Variants in COP1 observed in about 807,000 individuals in gnomAD.
COP1 encodes the protein E3 ubiquitin-protein ligase COP1.
Under a neutral mutation model 101.3 loss-of-function variants are expected in COP1, and 24 were observed. The observed-to-expected ratio is 0.24, with a 90% CI of 0.17 to 0.33. The LOEUF is 0.33. Among genes scored for constraint, COP1 ranks in the 10% least tolerant of loss-of-function variants. The probability of loss-of-function intolerance (pLI) is 1.00; values close to 1 mark genes in which losing one functional copy is unlikely to be tolerated. For missense variants in COP1, 663 were observed against 906.2 expected (o/e 0.73, Z 3.45); for synonymous variants, 347 against 341.9 (o/e 1.01, Z -0.17).
At chr1:175,958,546 C>T (rs543564024) in intron 18 of COP1, among the ~76,000 whole-genome samples, 5 of 151,928 alleles carry the variant, frequency 3.3e-5, no homozygotes, top group Non-Finnish European at 5.9e-5. Flanking sequence ...TTCCACCCTA[C>T]ATTTCTCCTC....
chr1:176,075,193 C>T (rs1348652786), intron 11 of COP1, among the ~76,000 whole-genome samples: 2 of 152,094 alleles, frequency 1.3e-5, no homozygotes, highest in Non-Finnish European at 2.9e-5. Flanking sequence ...TAATCTGCTG[C>T]ATTTTCAAAT....
chr1:176,045,074 T>C (rs1430375504), intron 12 of COP1, among the ~76,000 whole-genome samples: 1 of 152,186 alleles, frequency 6.6e-6, no homozygotes, highest in Non-Finnish European at 1.5e-5. Flanking sequence ...CCAAACTACT[T>C]CAGTCTGAAT....
chr1:176,074,359 CT>C (rs1158245839), intron 11 of COP1, among the ~76,000 whole-genome samples: 1 of 152,070 alleles, frequency 6.6e-6, no homozygotes, highest in African/African-American at 2.4e-5. Context: ...ATCAACAGAG[CT>C]GTGAGAGTTT....
intron 12 of COP1, among the ~76,000 whole-genome samples, chr1:176,044,885 C>T (rs539584684): frequency 1.2e-4 from 18 of 152,306 alleles, no homozygotes; most frequent in African/African-American, 4.3e-4. Context: ...CACATTTAAA[C>T]TTTCTAATCC....
intron 1 of COP1, among the ~76,000 whole-genome samples, chr1:176,194,675 TA>T (rs1375999896): frequency 6.6e-6 from 1 of 151,280 alleles, no homozygotes; most frequent in Non-Finnish European, 1.5e-5. Flanking sequence ...TCATACTAAA[TA>T]AAAAGGAAGA....
chr1:176,192,709 G>A (rs1171299352), intron 1 of COP1, among the ~76,000 whole-genome samples: 2 of 152,090 alleles, frequency 1.3e-5, no homozygotes, highest in African/African-American at 4.8e-5. Context: ...CACAGGAGGA[G>A]CTATAAAAAC....
intron 14 of COP1, among the ~76,000 whole-genome samples, chr1:176,035,533 T>C (rs143572752): frequency 7.9e-4 from 120 of 151,382 alleles, no homozygotes; most frequent in African/African-American, 2.8e-3. Context: ...GATAGTGATA[T>C]TATATATTAA....
chr1:176,184,773 T>C (rs1022182586), intron 1 of COP1, 81 bp from the exon 2 acceptor site: 6 of 928,388 alleles, frequency 6.5e-6, no homozygotes, highest in Non-Finnish European at 1.0e-5. Context: ...ACAATACCAA[T>C]GAAATCATAT....
At chr1:176,039,533 A>G (rs1019119965) in intron 14 of COP1, among the ~76,000 whole-genome samples, 2 of 152,102 alleles carry the variant, frequency 1.3e-5, no homozygotes, top group African/African-American at 2.4e-5. Flanking sequence ...AGTAACATCA[A>G]TAAGGCTCAA....
intron 2 of COP1, among the ~76,000 whole-genome samples, chr1:176,178,969 G>T: frequency 6.6e-6 from 1 of 151,436 alleles, no homozygotes; most frequent in Non-Finnish European, 1.5e-5. Flanking sequence ...GAGGTCAGGA[G>T]AATTTTTTTT....
At chr1:176,099,981 A>G (rs1683107233) in intron 9 of COP1, among the ~76,000 whole-genome samples, 1 of 152,230 alleles carries the variant, frequency 6.6e-6, no homozygotes, top group African/African-American at 2.4e-5. Flanking sequence ...CCAATCTAAA[A>G]GGCCTATGTA....
chr1:176,081,185 C>A lies in COP1; in HGVS notation c.1244G>T (p.Ser415Ile), dbSNP rs1201782011. ...VRPLATLSYASDLYNGSSIVS... is the reference protein window; with the variant it reads ...VRPLATLSYAIDLYNGSSIVS... ...TATACTGGAACCATTATAGAGATCA[C>A]TAGCATATGACAATGTGGCTAAAGG... Residue 415 changes from serine (S) to isoleucine (I), a missense_variant, in exon 11 of 20, where the codon AGT (serine) becomes ATT (isoleucine). Ser to Ile is a moderately radical substitution (Grantham distance 142). Transcript: ENST00000367669. 6.2e-7 allele frequency: 1 copy of A among 1,609,968 alleles called. No homozygotes were observed. Among genetic ancestry groups the A allele is most frequent in the African/African-American group, 1.3e-5 (1 of 74,594 alleles).
chr1:176,045,403 T>C (rs913163990), intron 12 of COP1, among the ~76,000 whole-genome samples: 3 of 152,126 alleles, frequency 2.0e-5, no homozygotes, highest in Admixed American at 6.6e-5. Context: ...AAATAAATTA[T>C]ACAAAGACTG....
At chr1:176,199,210 G>A (rs184733248) in intron 1 of COP1, among the ~76,000 whole-genome samples, 7 of 151,986 alleles carry the variant, frequency 4.6e-5, no homozygotes, top group East Asian at 1.9e-4. Context: ...CTAGCTACTC[G>A]GGAGGTTAAG....
intron 18 of COP1, among the ~76,000 whole-genome samples, chr1:175,949,180 A>AAAAAAAAAAC (rs1649557953): frequency 6.7e-6 from 1 of 148,274 alleles, no homozygotes; most frequent in Non-Finnish European, 1.5e-5. Context: ...AAAAAAAAAA[A>AAAAAAAAAAC]AAAAAAAAAA....
chr1:176,148,807 A>G (rs1203143642), intron 6 of COP1, among the ~76,000 whole-genome samples, 199 bp downstream of exon 6: 1 of 152,128 alleles, frequency 6.6e-6, no homozygotes, highest in East Asian at 1.9e-4. Flanking sequence ...TTTTCAGCAC[A>G]TCTCCACAAA....
At chr1:176,082,856 T>C (rs1314062359) in intron 10 of COP1, among the ~76,000 whole-genome samples, 2 of 151,660 alleles carry the variant, frequency 1.3e-5, no homozygotes, top group African/African-American at 2.4e-5. Flanking sequence ...ATAACATTAC[T>C]TGAGGAAACT....
intron 11 of COP1, among the ~76,000 whole-genome samples, chr1:176,064,702 G>A (rs550161287): frequency 6.6e-6 from 1 of 152,090 alleles, no homozygotes; most frequent in Non-Finnish European, 1.5e-5. Context: ...CGCCCAGGCT[G>A]GGGTTCACTG....
At chr1:176,103,252 T>C (rs1041742646) in intron 9 of COP1, among the ~76,000 whole-genome samples, 1 of 152,210 alleles carries the variant, frequency 6.6e-6, no homozygotes, top group Non-Finnish European at 1.5e-5. Context: ...TGAAGTGACT[T>C]AGGGTGAGAC....
Sources: allele counts gnomAD v4.1 joint callset (sites outside exome capture counted in the v4.1 genomes callset), GRCh38; gene constraint gnomAD v4.1.1; transcripts MANE v1.5; gene names NCBI Gene and HGNC (gene_info 2026-07-23, HGNC 2026-07-21).